The following ASH1L variants were observed in gnomAD, a reference collection of about 807,000 sequenced individuals.
The protein encoded by ASH1L is ASH1 like histone lysine methyltransferase, also known as histone-lysine N-methyltransferase ASH1L.
In ASH1L, 23 loss-of-function variants were observed where a neutral mutation model predicts 269.0. The observed-to-expected ratio is 0.09, with a 90% CI of 0.06 to 0.12. The LOEUF (loss-of-function observed/expected upper bound fraction) is 0.12. ASH1L is among the 10% of genes least tolerant of loss of function. The pLI is 1.00. For synonymous variants in ASH1L, 1,187 were observed against 1,253.5 expected (o/e 0.95, Z 1.12); for missense variants, 2,912 against 3,567.8 (o/e 0.82, Z 4.68).
At chr1:155,347,958 A>G in intron 19 of ASH1L, 54 bp from the exon 20 acceptor site, 1 of 1,604,710 alleles carries the variant, frequency 6.2e-7, no homozygotes, top group Non-Finnish European at 8.5e-7. Context: ...TGGCTTAACA[A>G]TTTACCTAAA....
chr1:155,438,194 T>G lies in ASH1L; in HGVS notation c.5828+133A>C. ...TTGTAAAAGCAATACATAAGAACAG[T>G]TTTTGAAAAGAAATGGTCTCATATA... On this transcript the variant is annotated intron_variant, in intron 5 of 27. Transcript: ENST00000392403. 3 of 993,406 alleles carry G rather than the reference T, an allele frequency of 3.0e-6. No homozygotes were observed. The South Asian group carries it at 5.8e-5, about 19-fold the overall frequency. The allele number at this position is 993,406 out of a possible 1,614,324, so 61.5% of individuals were successfully genotyped here.
chr1:155,339,628 G>A (rs927961869), intron 25 of ASH1L, among the ~76,000 whole-genome samples: 9 of 152,084 alleles, frequency 5.9e-5, no homozygotes, highest in African/African-American at 1.2e-4. Flanking sequence ...GTCATATGTC[G>A]CTTGGGGTCA....
At chr1:155,378,257 A>C in intron 10 of ASH1L, 24 bp downstream of exon 10, 4 of 1,556,484 alleles carry the variant, frequency 2.6e-6, no homozygotes, top group African/African-American at 1.4e-5. Context: ...CCTATGCTTT[A>C]GAGAAATCAA....
At chr1:155,339,228 G>T in intron 26 of ASH1L, 100 bp downstream of exon 26, 1 of 1,082,884 alleles carries the variant, frequency 9.2e-7, no homozygotes, top group East Asian at 2.4e-5. Context: ...AGAATACCCA[G>T]TCCTAGAAGT....
intron 2 of ASH1L, among the ~76,000 whole-genome samples, chr1:155,498,839 A>G (rs968893878): frequency 2.6e-5 from 4 of 152,010 alleles, no homozygotes; most frequent in Non-Finnish European, 2.9e-5. Context: ...CGCCTGGCCC[A>G]GAAAACACTT....
chr1:155,485,762 C>A (rs1253823621), intron 2 of ASH1L, among the ~76,000 whole-genome samples: 1 of 152,160 alleles, frequency 6.6e-6, no homozygotes, highest in Non-Finnish European at 1.5e-5. Flanking sequence ...TAGCAATGAA[C>A]ACCTCAAGAC....
rs557566842 is a variant in ASH1L, at chr1:155,463,324, G to C, written c.4985-3426C>G. 3.3e-5 allele frequency among the ~76,000 whole-genome samples: 5 copies of C among 152,272 alleles called. No homozygotes were observed. In the South Asian group the frequency reaches 1.0e-3, roughly 32 times the overall value. On this transcript the variant is annotated intron_variant, in intron 3 of 27. Coordinates refer to ENST00000392403, the MANE Select transcript of ASH1L (RefSeq NM_018489.3). The stretch of plus-strand genomic sequence containing the variant: ...CCTGGCTCTGCTACAAATTAAACTA[G>C]AGAGAATCTATAGAAGTAAATGTGC...
intron 26 of ASH1L, 85 bp downstream of exon 26, chr1:155,339,243 C>G (rs1329014520): frequency 8.1e-7 from 1 of 1,227,440 alleles, no homozygotes; most frequent in African/African-American, 1.5e-5. Flanking sequence ...AGAAGTGGAG[C>G]TGAGTGGGTA....
intron 4 of ASH1L, among the ~76,000 whole-genome samples, chr1:155,441,607 C>A (rs1051745011): frequency 6.6e-6 from 1 of 151,454 alleles, no homozygotes; most frequent in Non-Finnish European, 1.5e-5. Flanking sequence ...GGACTACAGA[C>A]GCCCAGCATC....
chr1:155,509,454 G>A lies in ASH1L; in HGVS notation c.420+11646C>T, dbSNP rs1469754580. ...AACCAAGTACATAAAGAAATTCAGT[G>A]TATGACAAAGCAGCCTCTCAAATCA... is the stretch of plus-strand genomic sequence containing the variant. On this transcript the variant is annotated intron_variant, in intron 2 of 27. Transcript: ENST00000392403. Among the ~76,000 whole-genome samples, 4 of 152,328 alleles carry A rather than the reference G, an allele frequency of 2.6e-5. No homozygotes were observed. The East Asian group carries it at 5.8e-4, about 22-fold the overall frequency.
intron 19 of ASH1L, among the ~76,000 whole-genome samples, chr1:155,348,917 C>A (rs866183558): frequency 2.9e-5 from 4 of 138,534 alleles, no homozygotes; most frequent in Non-Finnish European, 6.5e-5. Context: ...TATATACACA[C>A]ACACACACAC....
chr1:155,473,104 A>C (rs1033668488), intron 3 of ASH1L, among the ~76,000 whole-genome samples: 3 of 152,222 alleles, frequency 2.0e-5, no homozygotes, highest in African/African-American at 7.2e-5. Context: ...GTATTGGTTA[A>C]TACATGACTT....
At chr1:155,415,987 T>A in intron 5 of ASH1L, 64 bp from the exon 6 acceptor site, 1 of 1,289,768 alleles carries the variant, frequency 7.8e-7, no homozygotes. Context: ...AATAATTGTC[T>A]ACTTAAAAAA....
chr1:155,511,839 T>C (rs1482733391), intron 2 of ASH1L, among the ~76,000 whole-genome samples: 1 of 150,680 alleles, frequency 6.6e-6, no homozygotes, highest in Non-Finnish European at 1.5e-5. Flanking sequence ...AGATGGAGTT[T>C]TGCTCTTGTT....
At chr1:155,368,422 T>TA (rs1243948163) in intron 12 of ASH1L, among the ~76,000 whole-genome samples, 1 of 152,106 alleles carries the variant, frequency 6.6e-6, no homozygotes, top group East Asian at 1.9e-4. Context: ...TATTTTGTCT[T>TA]ATGTCAGTTT....
At chr1:155,404,757 C>T (rs1035971072) in intron 6 of ASH1L, among the ~76,000 whole-genome samples, 3 of 152,096 alleles carry the variant, frequency 2.0e-5, no homozygotes, top group South Asian at 2.1e-4. Context: ...GAGGGCTGGG[C>T]GTGGTGGCAT....
chr1:155,375,296 T>C (rs1452318773), intron 10 of ASH1L, among the ~76,000 whole-genome samples: 6 of 152,218 alleles, frequency 3.9e-5, no homozygotes, highest in African/African-American at 1.4e-4. Flanking sequence ...GTTCAAGGCA[T>C]TGAAATATAT....
chr1:155,392,536 T>G (rs1206337100), intron 7 of ASH1L, among the ~76,000 whole-genome samples: 1 of 152,202 alleles, frequency 6.6e-6, no homozygotes, highest in Non-Finnish European at 1.5e-5. Context: ...TTGCCCAGGC[T>G]GGAGTATAGT....
At chr1:155,448,765 G>T (rs1383738617) in intron 4 of ASH1L, among the ~76,000 whole-genome samples, 2 of 152,096 alleles carry the variant, frequency 1.3e-5, no homozygotes, top group Non-Finnish European at 2.9e-5. Flanking sequence ...AAAGTGCTGG[G>T]ATTACAGGCG....
Sources: gnomAD v4.1 joint callset for allele counts (sites outside exome capture counted in the v4.1 genomes callset) on GRCh38, gnomAD v4.1.1 for gene constraint, MANE v1.5 for transcripts, NCBI Gene and HGNC (gene_info 2026-07-23, HGNC 2026-07-21) for gene names.